Variants in DNAH14 observed in about 807,000 individuals in gnomAD.
DNAH14 encodes the protein axonemal beta dynein heavy chain 14.
Under a neutral mutation model 520.9 loss-of-function variants are expected in DNAH14, and 478 were observed. The ratio of observed to expected loss-of-function variants is 0.92; its 90% CI spans 0.85 to 0.99. DNAH14 has a LOEUF of 0.99. Ranked by LOEUF, DNAH14 falls within the 50% of genes least tolerant of loss-of-function variation. The pLI, the probability that DNAH14 is intolerant of heterozygous loss-of-function variation, is 0.00. For synonymous variants in DNAH14, 1,581 were observed against 1,757.2 expected, an observed-to-expected ratio of 0.90 and a Z score of 2.51; for missense variants, 4,831 against 5,234.5, an observed-to-expected ratio of 0.92 and a Z score of 2.38.
chr1:225,184,478 GC>G (rs2149310535), intron 36 of DNAH14, among the ~76,000 whole-genome samples: 1 of 152,094 alleles, frequency 6.6e-6, no homozygotes, highest in Admixed American at 6.5e-5. Context: ...TAATTAGCCA[GC>G]TGTGATGGCA....
At chr1:225,300,201 C>T (rs12069730) in intron 55 of DNAH14, among the ~76,000 whole-genome samples, 9,290 of 152,166 alleles carry the variant, frequency 0.061, 861 homozygotes, top group African/African-American at 0.2. Context: ...ACTATTCAAA[C>T]GCAAATGTAA....
chr1:225,217,755 G>C (rs1003684977), intron 41 of DNAH14, among the ~76,000 whole-genome samples: 1 of 152,130 alleles, frequency 6.6e-6, no homozygotes. Flanking sequence ...TTGCAGAAGC[G>C]CAGTATTAGG....
At chr1:225,301,783 T>C (rs1470355084) in intron 56 of DNAH14, among the ~76,000 whole-genome samples, 1 of 152,098 alleles carries the variant, frequency 6.6e-6, no homozygotes, top group Non-Finnish European at 1.5e-5. Flanking sequence ...ATCAAACAGA[T>C]ACTTAGTAAT....
At chr1:225,204,730 A>G (rs957683901) in intron 39 of DNAH14, among the ~76,000 whole-genome samples, 1 of 152,218 alleles carries the variant, frequency 6.6e-6, no homozygotes, top group Admixed American at 6.5e-5. Flanking sequence ...GGGACAAAAT[A>G]TGTATATGAC....
At chr1:225,127,092 T>A (rs1240094450) in intron 27 of DNAH14, among the ~76,000 whole-genome samples, 32 of 152,162 alleles carry the variant, frequency 2.1e-4, no homozygotes, top group African/African-American at 6.5e-4. Context: ...ATAATTTCTG[T>A]TCTTTTACAT....
At chr1:224,946,124 G>C (rs7527885) in intron 1 of DNAH14, among the ~76,000 whole-genome samples, 7,321 of 152,276 alleles carry the variant, frequency 0.048, 513 homozygotes, top group African/African-American at 0.15. Flanking sequence ...CCCTCTTTGA[G>C]CTGTGGTGGG....
At chr1:225,049,671 T>A (rs2148294666) in intron 15 of DNAH14, among the ~76,000 whole-genome samples, 1 of 152,230 alleles carries the variant, frequency 6.6e-6, no homozygotes, top group South Asian at 2.1e-4. Context: ...GATTTATGGA[T>A]TTGTGTTTTA....
At chr1:225,274,194 G>GTTTTTCTTTTTTTTTTTTT (rs1193834939) in intron 52 of DNAH14, among the ~76,000 whole-genome samples, 1 of 120,352 alleles carries the variant, frequency 8.3e-6, no homozygotes, top group African/African-American at 3.4e-5. Flanking sequence ...ACCAGCATCT[G>GTTTTTCTTTTTTTTTTTTT]TTATTTTTTT....
intron 44 of DNAH14, among the ~76,000 whole-genome samples, chr1:225,254,347 G>GA (rs138898911): frequency 0.02 from 3,070 of 152,236 alleles, 92 homozygotes; most frequent in African/African-American, 0.069. Flanking sequence ...CACAATCACA[G>GA]AAAAAATCCT....
chr1:225,042,270 G>A (rs142985243), intron 12 of DNAH14, among the ~76,000 whole-genome samples: 5 of 152,298 alleles, frequency 3.3e-5, no homozygotes, highest in Admixed American at 6.5e-5. Flanking sequence ...GGAAGGAACA[G>A]TAGATTAATT....
intron 31 of DNAH14, among the ~76,000 whole-genome samples, chr1:225,151,677 C>G (rs1418986454): frequency 2.0e-5 from 3 of 152,162 alleles, no homozygotes; most frequent in Non-Finnish European, 4.4e-5. Context: ...CTATATCTTC[C>G]AGGCAGAGCT....
At chr1:225,217,644 T>A (rs987752587) in intron 41 of DNAH14, among the ~76,000 whole-genome samples, 1 of 152,214 alleles carries the variant, frequency 6.6e-6, no homozygotes, top group African/African-American at 2.4e-5. Context: ...TGCAGTTCGA[T>A]CTCAGACTGC....
intron 66 of DNAH14, among the ~76,000 whole-genome samples, chr1:225,334,910 A>G (rs867164488): frequency 6.0e-4 from 54 of 90,126 alleles, no homozygotes; most frequent in Non-Finnish European, 7.6e-4. Context: ...GTGTGTGTGT[A>G]TATGTATATG....
chr1:225,189,251 T>C (rs1387753641), intron 37 of DNAH14, among the ~76,000 whole-genome samples: 1 of 151,802 alleles, frequency 6.6e-6, no homozygotes, highest in East Asian at 1.9e-4. Context: ...AAATGTGCTG[T>C]TGGATTCAGT....
chr1:224,965,062 T>G (rs367622055), intron 5 of DNAH14, among the ~76,000 whole-genome samples: 5 of 152,176 alleles, frequency 3.3e-5, no homozygotes, highest in African/African-American at 1.2e-4. Flanking sequence ...ATTCATTTTT[T>G]TCTTACCCAT....
intron 44 of DNAH14, among the ~76,000 whole-genome samples, chr1:225,254,391 T>C (rs1412088044): frequency 1.3e-5 from 2 of 152,200 alleles, no homozygotes; most frequent in African/African-American, 4.8e-5. Context: ...AGTCAGATGC[T>C]GGGCAATGAA....
At chr1:225,364,045 A>T (rs1163050554) in intron 75 of DNAH14, among the ~76,000 whole-genome samples, 2 of 152,180 alleles carry the variant, frequency 1.3e-5, no homozygotes, top group African/African-American at 4.8e-5. Context: ...GTTTTAGCTG[A>T]TATTTTCTTA....
chr1:225,002,937 A>C lies in DNAH14; in HGVS notation c.975+10A>C. ...CATATGCCTTGTAAAGGTGAGTAGA[A>C]GTATACTACTATAAGCTAATATTGG... On this transcript the variant is annotated intron_variant, in intron 9 of 85. Coordinates refer to ENST00000682510, the MANE Select transcript of DNAH14 (RefSeq NM_001367479.1). 1 of 1,533,280 alleles carries C rather than the reference A, an allele frequency of 6.5e-7. No homozygotes were observed. The highest frequency in any genetic ancestry group is 1.7e-4 in the Middle Eastern group (1 of 5,768). 95.0% of individuals were successfully genotyped at this position (1,533,280 alleles called of 1,614,324 possible). A position where few individuals can be genotyped will look rare whatever the true frequency, so the allele number is the denominator to read the frequency against.
intron 72 of DNAH14, among the ~76,000 whole-genome samples, chr1:225,352,939 A>C (rs951956788): frequency 2.0e-5 from 3 of 152,038 alleles, no homozygotes; most frequent in African/African-American, 7.2e-5. Context: ...TTTGGGACCC[A>C]TAATTTATTA....
Sources: allele counts gnomAD v4.1 joint callset (sites outside exome capture counted in the v4.1 genomes callset), GRCh38; gene constraint gnomAD v4.1.1; transcripts MANE v1.5; gene names NCBI Gene and HGNC (gene_info 2026-07-23, HGNC 2026-07-21).